RPL4: variants seen among roughly 807,000 people sequenced by gnomAD.
The protein encoded by RPL4 is ribosomal protein L4.
Under a neutral mutation model 47.7 loss-of-function variants are expected in RPL4, and 3 were observed. The observed-to-expected ratio is 0.06, with a 90% CI of 0.03 to 0.16. The LOEUF is 0.16. Among genes scored for constraint, RPL4 ranks in the 10% least tolerant of loss-of-function variants. The probability of loss-of-function intolerance (pLI) is 1.00; values close to 1 mark genes in which losing one functional copy is unlikely to be tolerated. For missense variants in RPL4, 413 were observed against 551.3 expected, an observed-to-expected ratio of 0.75 and a Z score of 2.51; for synonymous variants, 208 against 182.1, an observed-to-expected ratio of 1.14 and a Z score of -1.15.
intron 9 of RPL4, 71 bp downstream of exon 9, chr15:66,499,985 T>G: frequency 6.3e-7 from 1 of 1,581,742 alleles, no homozygotes; most frequent in Non-Finnish European, 8.6e-7. Context: ...ATCACGCCAT[T>G]GCACTCCAGC....
At position 66,499,365 on chromosome 15, in the gene RPL4, C is replaced by T; in HGVS notation, c.*42G>A. The T allele has an allele frequency of 6.3e-7, 1 of 1,575,890 alleles. No individual in the cohort carries two copies. The highest frequency in any genetic ancestry group is 1.2e-5 in the South Asian group (1 of 84,184). ...CAGGTCTTTATTCAAAAGAAGCTGTCCAAAATGATTTGACCTTTATGGAAT... is the reference window on the plus strand; with the variant it reads ...CAGGTCTTTATTCAAAAGAAGCTGTTCAAAATGATTTGACCTTTATGGAAT... On this transcript the variant is annotated 3_prime_UTR_variant, in exon 10 of 10. Coordinates refer to ENST00000307961, the MANE Select transcript of RPL4 (RefSeq NM_000968.4).
At chr15:66,502,949 A>G (rs1276063416) in intron 3 of RPL4, 109 bp downstream of exon 3, 1 of 1,337,160 alleles carries the variant, frequency 7.5e-7, no homozygotes, top group Admixed American at 1.7e-5. Context: ...CCTTCTCTTC[A>G]AGACAAAAAA....
chr15:66,502,156 T>C, intron 4 of RPL4: 3 of 625,062 alleles, frequency 4.8e-6, no homozygotes, highest in East Asian at 3.2e-5. Flanking sequence ...TCTAAGGATA[T>C]ACTAAACTAC....
In RPL4 at chr15:66,498,261, T is replaced by C. The variant is rs12908034; in HGVS notation, c.*1146A>G. 8,643 of 153,336 alleles carry C rather than the reference T, an allele frequency of 0.056. 344 individuals are homozygous for C. Among genetic ancestry groups the C allele is most frequent in the Middle Eastern group, 0.11 (32 of 294 alleles). The allele number at this position is 153,336 out of a possible 1,614,324, so 9.5% of individuals were successfully genotyped here. On this transcript the variant is annotated 3_prime_UTR_variant, in exon 10 of 10. Transcript: ENST00000307961. ...TTTAAAGGGGTAAGGCTGCACAAAA[T>C]AGAGAAATAAAGAGCATGAAAATAA...
At chr15:66,502,342 G>T (rs142212703) in intron 4 of RPL4, 7,916 of 431,358 alleles carry the variant, frequency 0.018, 121 homozygotes, top group Non-Finnish European at 0.023. Context: ...TTGTATCACT[G>T]ATACGAAATA....
At chr15:66,503,598 A>G (rs184180799) in intron 1 of RPL4, 69 bp from the exon 2 acceptor site, 1 of 1,470,364 alleles carries the variant, frequency 6.8e-7, no homozygotes, top group Non-Finnish European at 9.2e-7. Context: ...TCATACGCCA[A>G]CAATACCATT....
chr15:66,499,356 A>G lies in RPL4; in HGVS notation c.*51T>C. 1.9e-6 allele frequency: 3 copies of G among 1,561,176 alleles called. No homozygotes were observed. The highest frequency in any genetic ancestry group is 2.6e-6 in the Non-Finnish European group (3 of 1,160,604). On this transcript the variant is annotated 3_prime_UTR_variant, in exon 10 of 10. Coordinates refer to ENST00000307961, the MANE Select transcript of RPL4 (RefSeq NM_000968.4). ...CTGTATAATCAGGTCTTTATTCAAA[A>G]GAAGCTGTCCAAAATGATTTGACCT...
chr15:66,502,020 CAAGTCAG>C, intron 4 of RPL4, 108 bp from the exon 5 acceptor site: 1 of 1,390,922 alleles, frequency 7.2e-7, no homozygotes. Context: ...TTCCGTTTGC[CAAGTCAG>C]AATTTCCACA....
At chr15:66,502,990 A>G (rs1893654051) in intron 3 of RPL4, 68 bp downstream of exon 3, 14 of 1,473,362 alleles carry the variant, frequency 9.5e-6, no homozygotes, top group African/African-American at 1.4e-5. Context: ...ATTATCATCA[A>G]TAAACCAGAC....
rs1224899208 is a variant in RPL4, at chr15:66,503,427, T to C, written c.106A>G (p.Ile36Val). ...AVFKAPIRPD[I>V]VNFVHTNLRK... The stretch of plus-strand genomic sequence containing the variant: ...AAGTTGGTGTGAACAAAGTTCACAA[T>C]ATCTGGTCGAATAGGAGCCTTGAAT... Residue 36 changes from isoleucine (I) to valine (V), a missense_variant, in exon 2 of 10, where the codon ATT becomes GTT. Ile to Val is a conservative substitution (Grantham distance 29, BLOSUM62 3). Transcript: ENST00000307961. The C allele has an allele frequency of 6.2e-7, 1 of 1,612,786 alleles. No homozygotes were observed.
At chr15:66,501,972 A>G (rs1311943293) in intron 4 of RPL4, 60 bp from the exon 5 acceptor site, 1 of 1,566,872 alleles carries the variant, frequency 6.4e-7, no homozygotes, top group South Asian at 1.2e-5. Flanking sequence ...AAAAAAAAAA[A>G]TCAAACATTT....
rs1259570319 is a variant in RPL4 at position 66,501,097 on chromosome 15, G to A, written c.685C>T (p.Leu229=). ...ATGTTCAGCTTGCTTACATTAAGCA[G>A]AGTAATTCCTTTTAAAGGGAAAGAA... ...KAFRNIPGIT[L]LNVSKLNILK... The change falls in exon 7 of 10, where the codon CTG becomes TTG. Residue 229 remains leucine, a synonymous_variant. Transcript: ENST00000307961. 6.2e-7 allele frequency: 1 copy of A among 1,610,324 alleles called. No individual in the cohort carries two copies. Among genetic ancestry groups the A allele is most frequent in the Non-Finnish European group, 8.5e-7 (1 of 1,179,140 alleles).
At chr15:66,500,855 G>C in intron 7 of RPL4, 94 bp downstream of exon 7, 2 of 1,447,208 alleles carry the variant, frequency 1.4e-6, no homozygotes, top group Admixed American at 4.2e-5. Context: ...CACATAAGGG[G>C]AAATGGGAAT....
Position 66,499,341 on chromosome 15 carries a change from A to G in RPL4, c.*66T>C. On this transcript the variant is annotated 3_prime_UTR_variant, in exon 10 of 10. Transcript: ENST00000307961. ...CATGTTTCTCACTGCCTGTATAATC[A>G]GGTCTTTATTCAAAAGAAGCTGTCC... 3.3e-6 allele frequency: 5 copies of G among 1,526,776 alleles called. No homozygotes were observed. In the Admixed American group the frequency reaches 1.1e-4, roughly 32 times the overall value. The allele number at this position is 1,526,776 out of a possible 1,614,324, so 94.6% of individuals were successfully genotyped here.
Position 66,500,358 on chromosome 15 carries a change from C to T in RPL4, c.852G>A (p.Met284Ile). Residue 284 changes from methionine to isoleucine, a missense_variant, in exon 8 of 10, where the codon ATG becomes ATA. This residue lies in a region of RPL4 where 214 missense variants were observed against 304.2 expected (regional missense o/e 0.70). Coordinates refer to ENST00000307961, the MANE Select transcript of RPL4 (RefSeq NM_000968.4). ...AGATTCTGCTAAGATCTGTATTAAT[C>T]ATCTTGTGCATGGGAAGACTGAAAG... Reference protein sequence around the residue: ...KSNYNLPMHKMINTDLSRILK... With the variant: ...KSNYNLPMHKIINTDLSRILK... 3 of 1,614,054 alleles carry T rather than the reference C, an allele frequency of 1.9e-6. No homozygotes were observed. The highest frequency in any genetic ancestry group is 2.5e-6 in the Non-Finnish European group (3 of 1,179,962).
At position 66,499,352 on chromosome 15, in the gene RPL4, CA is replaced by C; in HGVS notation, c.*54del. On this transcript the variant is annotated 3_prime_UTR_variant, in exon 10 of 10. Transcript: ENST00000307961. ...CTGCCTGTATAATCAGGTCTTTATT[CA>C]AAAGAAGCTGTCCAAAATGATTTGA... 1.3e-6 allele frequency: 2 copies of C among 1,552,796 alleles called. No homozygotes were observed. Among genetic ancestry groups the C allele is most frequent in the Non-Finnish European group, 8.7e-7 (1 of 1,155,936 alleles).
intron 7 of RPL4, 88 bp from the exon 8 acceptor site, chr15:66,500,464 G>T: frequency 8.8e-7 from 1 of 1,141,340 alleles, no homozygotes; most frequent in Non-Finnish European, 1.3e-6. Context: ...TAGCCACTAT[G>T]CTCTCCAAAA....
chr15:66,502,985 C>T, intron 3 of RPL4, 73 bp downstream of exon 3: 4 of 1,422,384 alleles, frequency 2.8e-6, no homozygotes, highest in Non-Finnish European at 4.0e-6. Flanking sequence ...ACCGTATTAT[C>T]ATCAATAAAC....
intron 7 of RPL4, 26 bp from the exon 8 acceptor site, chr15:66,500,402 C>T (rs1893586405): frequency 6.3e-7 from 1 of 1,595,196 alleles, no homozygotes; most frequent in African/African-American, 1.3e-5. Context: ...TTGACATGTA[C>T]ATGTAAAAGT....
Sources: allele counts gnomAD v4.1 joint callset, GRCh38; gene constraint gnomAD v4.1.1; regional missense constraint gnomAD v4.1.1; transcripts MANE v1.5; gene names NCBI Gene and HGNC (gene_info 2026-07-23, HGNC 2026-07-21).